SNX29: variants seen among roughly 807,000 people sequenced by gnomAD.
The protein encoded by SNX29 is sorting nexin-29.
In SNX29, 78 loss-of-function variants were observed where a neutral mutation model predicts 102.1. The observed-to-expected ratio is 0.76, with a 90% CI of 0.64 to 0.92. The LOEUF is 0.92. Ranked by LOEUF, SNX29 falls within the 40% of genes least tolerant of loss-of-function variation. SNX29 has a pLI of 0.00. For missense variants in SNX29, 1,280 were observed against 1,061.7 expected (o/e 1.21, Z -2.86); for synonymous variants, 580 against 414.5 (o/e 1.40, Z -4.85).
At chr16:12,560,940 C>G (rs1055073394) in intron 20 of SNX29, 1 of 207,248 alleles carries the variant, frequency 4.8e-6, no homozygotes, top group Non-Finnish European at 9.8e-6. Context: ...GTGTTGGGAT[C>G]CGGAGAACCA....
intron 20 of SNX29, among the ~76,000 whole-genome samples, chr16:12,550,985 T>C (rs750867452): frequency 5.9e-5 from 9 of 152,192 alleles, no homozygotes; most frequent in Non-Finnish European, 8.8e-5. Context: ...CAAAAAGCTG[T>C]TTCTCAATCT....
chr16:12,159,241 G>A (rs1282576016), intron 13 of SNX29, among the ~76,000 whole-genome samples: 1 of 152,204 alleles, frequency 6.6e-6, no homozygotes, highest in Non-Finnish European at 1.5e-5. Context: ...TAGTTCCAGG[G>A]ATAGCCTGTG....
At position 12,042,907 on chromosome 16, in the gene SNX29, C is replaced by G; in HGVS notation, c.258C>G (p.Phe86Leu). The change falls in exon 5 of 21, where the codon TTC becomes TTG. Residue 86 changes from phenylalanine to leucine, a missense_variant. Coordinates refer to ENST00000566228, the MANE Select transcript of SNX29 (RefSeq NM_032167.5). The part of the protein sequence containing the change: ...FASKTETEPV[F>L]WYYVKEVLNK... The stretch of plus-strand genomic sequence containing the variant: ...GCCCTCTCTCCGTAGAGCCCGTGTT[C>G]TGGTACTACGTGAAGGAGGTCCTCA... 1.9e-6 allele frequency: 3 copies of G among 1,609,694 alleles called. No homozygotes were observed. Among genetic ancestry groups the G allele is most frequent in the Non-Finnish European group, 1.7e-6 (2 of 1,176,770 alleles).
At chr16:12,054,341 T>A (rs978867961) in intron 8 of SNX29, among the ~76,000 whole-genome samples, 8 of 152,230 alleles carry the variant, frequency 5.3e-5, no homozygotes, top group Non-Finnish European at 1.2e-4. Context: ...ATTTTGTGTG[T>A]CAACTTAACT....
chr16:12,570,266 G>T lies in SNX29; in HGVS notation c.*1637G>T. On this transcript the variant is annotated 3_prime_UTR_variant, in exon 21 of 21. Coordinates refer to ENST00000566228, the MANE Select transcript of SNX29 (RefSeq NM_032167.5). ...CAAATGAGCTGGAGCATGTATGGAGGTGCGGACCCTGCAGTCAGTTTGCGA... is the reference window on the plus strand; with the variant it reads ...CAAATGAGCTGGAGCATGTATGGAGTTGCGGACCCTGCAGTCAGTTTGCGA... 1 of 1,065,114 alleles carries T rather than the reference G, an allele frequency of 9.4e-7. No individual in the cohort carries two copies. Among genetic ancestry groups the T allele is most frequent in the South Asian group, 4.6e-5 (1 of 21,962 alleles). 66.0% of individuals were successfully genotyped at this position (1,065,114 alleles called of 1,614,324 possible). A position where few individuals can be genotyped will look rare whatever the true frequency, so the allele number is the denominator to read the frequency against.
chr16:12,118,466 C>T (rs138343802), intron 11 of SNX29, among the ~76,000 whole-genome samples: 4 of 151,704 alleles, frequency 2.6e-5, no homozygotes, highest in African/African-American at 9.7e-5. Flanking sequence ...ATTACAGGTG[C>T]CTGCCACCAT....
At chr16:12,544,380 G>A (rs992428806) in intron 20 of SNX29, among the ~76,000 whole-genome samples, 3 of 152,208 alleles carry the variant, frequency 2.0e-5, no homozygotes, top group African/African-American at 7.2e-5. Context: ...GGGAGTGGAA[G>A]GCGTTGTGAG....
chr16:12,476,411 T>A (rs866109308), intron 18 of SNX29, among the ~76,000 whole-genome samples: 2 of 18,652 alleles, frequency 1.1e-4, no homozygotes, highest in African/African-American at 8.9e-4. Flanking sequence ...TATATATATA[T>A]ACATATATAT....
In SNX29 at chr16:12,098,115, G is replaced by C. The variant is rs980593443; in HGVS notation, c.1402+19200G>C. ...ACACGCTGGGCCCAGAGGACGCTCA[G>C]TACGTGGCCGGGGTGCTTACGTTTT... On this transcript the variant is annotated intron_variant, in intron 11 of 20. Transcript: ENST00000566228. The surrounding 1 kb of genome is among the most constrained non-coding windows in gnomAD (Gnocchi z 6.0). Among the ~76,000 whole-genome samples the C allele has an allele frequency of 6.6e-6, 1 of 152,236 alleles. No homozygotes were observed. The highest frequency in any genetic ancestry group is 1.5e-5 in the Non-Finnish European group (1 of 68,032).
intron 14 of SNX29, among the ~76,000 whole-genome samples, chr16:12,252,079 C>T (rs1211741807): frequency 1.3e-5 from 2 of 152,170 alleles, no homozygotes; most frequent in Non-Finnish European, 2.9e-5. Context: ...AATTTCCTTG[C>T]AAGAAAATCA....
chr16:11,999,571 C>G (rs1482473214), intron 2 of SNX29, among the ~76,000 whole-genome samples: 1 of 152,122 alleles, frequency 6.6e-6, no homozygotes, highest in Non-Finnish European at 1.5e-5. Context: ...TTCCCAAAGC[C>G]CTCTAGAGGA....
chr16:12,318,786 G>A (rs1204371127), intron 15 of SNX29, among the ~76,000 whole-genome samples: 1 of 151,946 alleles, frequency 6.6e-6, no homozygotes, highest in Non-Finnish European at 1.5e-5. Flanking sequence ...GTTTCCCGGA[G>A]CTTACATACC....
chr16:12,347,278 A>C (rs991567625), intron 15 of SNX29, among the ~76,000 whole-genome samples: 1 of 151,970 alleles, frequency 6.6e-6, no homozygotes, highest in Non-Finnish European at 1.5e-5. Context: ...AATTTATTAC[A>C]TGGTGGCTTT....
Position 12,553,266 on chromosome 16 carries a change from G to A in SNX29, c.2319-15240G>A, listed in dbSNP as rs147600042. ...AGAGAGATTGTACAAGACCACTGCCGCCTAGGGGCACAGAGTAAGAGGAAA... is the reference window on the plus strand; with the variant it reads ...AGAGAGATTGTACAAGACCACTGCCACCTAGGGGCACAGAGTAAGAGGAAA... On this transcript the variant is annotated intron_variant, in intron 20 of 20. Coordinates refer to ENST00000566228, the MANE Select transcript of SNX29 (RefSeq NM_032167.5). 1.1e-3 allele frequency among the ~76,000 whole-genome samples: 169 copies of A among 152,324 alleles called. 2 individuals carry two copies. The East Asian group carries it at 0.02, about 18-fold the overall frequency.
rs888290278 is a variant in SNX29, at chr16:12,571,631, T to C, written c.*3002T>C. Reference sequence around the variant, plus strand: ...GTTCCATCTTTCACATCTTTTTTTCTCCCCCAGATGAAAGACGACTCAGGA... The same window carrying C: ...GTTCCATCTTTCACATCTTTTTTTCCCCCCCAGATGAAAGACGACTCAGGA... On this transcript the variant is annotated 3_prime_UTR_variant, in exon 21 of 21. Coordinates refer to ENST00000566228, the MANE Select transcript of SNX29 (RefSeq NM_032167.5). 7 of 1,058,126 alleles carry C rather than the reference T, an allele frequency of 6.6e-6. No individual in the cohort carries two copies. Among genetic ancestry groups the C allele is most frequent in the African/African-American group, 1.7e-5 (1 of 60,486 alleles). The allele number at this position is 1,058,126 out of a possible 1,614,324, so 65.5% of individuals were successfully genotyped here.
intron 9 of SNX29, among the ~76,000 whole-genome samples, chr16:12,065,345 T>G (rs148645048): frequency 1.1e-4 from 17 of 152,278 alleles, no homozygotes; most frequent in Admixed American, 6.5e-4. Flanking sequence ...CTACCCAGGT[T>G]TATTTTGAGT....
chr16:12,010,221 A>G (rs997552255), intron 3 of SNX29, among the ~76,000 whole-genome samples: 36 of 152,312 alleles, frequency 2.4e-4, no homozygotes, highest in South Asian at 2.1e-3. Flanking sequence ...AAGGATATGT[A>G]AGGTGTTTTG....
chr16:12,548,805 T>C (rs763645351), intron 20 of SNX29, among the ~76,000 whole-genome samples: 5 of 151,886 alleles, frequency 3.3e-5, no homozygotes, highest in Non-Finnish European at 4.4e-5. Context: ...AGCTGGGCTG[T>C]TGTTTTCCTA....
At chr16:12,440,499 C>T (rs1023104995) in intron 18 of SNX29, among the ~76,000 whole-genome samples, 2 of 152,132 alleles carry the variant, frequency 1.3e-5, no homozygotes, top group Non-Finnish European at 2.9e-5. Context: ...CGTAGGTGAA[C>T]TTGTGCCATG....
Sources: allele counts gnomAD v4.1 joint callset (sites outside exome capture counted in the v4.1 genomes callset), GRCh38; gene constraint gnomAD v4.1.1; non-coding constraint Gnocchi (gnomAD v3.1); transcripts MANE v1.5; gene names NCBI Gene and HGNC (gene_info 2026-07-23, HGNC 2026-07-21).